The following NEBL variants were observed in gnomAD, a reference collection of about 807,000 sequenced individuals.
NEBL encodes LIM and SH3 protein 2.
In NEBL, 122 loss-of-function variants were observed where a neutral mutation model predicts 140.2. The ratio of observed to expected loss-of-function variants is 0.87; its 90% confidence interval spans 0.75 to 1.01. The LOEUF (loss-of-function observed/expected upper bound fraction) is 1.01. NEBL is among the 50% of genes least tolerant of loss of function. NEBL has a pLI of 0.00. For synonymous variants in NEBL, 436 were observed against 398.9 expected, an observed-to-expected ratio of 1.09 and a Z score of -1.11; for missense variants, 1,365 against 1,231.3, an observed-to-expected ratio of 1.11 and a Z score of -1.62.
At chr10:21,020,141 C>T (rs761453997) in exon 3 of NEBL, 2 of 1,614,118 alleles carry the variant, frequency 1.2e-6, no homozygotes, top group East Asian at 4.5e-5. Flanking sequence ...CACTTTGCTG[C>T]TTCAGGCGAA....
At chr10:20,803,548 G>T (rs553886329) in intron 26 of NEBL, among the ~76,000 whole-genome samples, 6 of 151,758 alleles carry the variant, frequency 4.0e-5, no homozygotes, top group Admixed American at 3.3e-4. Context: ...GAAAAATAGC[G>T]TTTCTAAATA....
chr10:21,120,291 C>T (rs1472647156), intron 2 of NEBL, among the ~76,000 whole-genome samples: 1 of 149,112 alleles, frequency 6.7e-6, no homozygotes, highest in African/African-American at 2.5e-5. Flanking sequence ...AGAAGGATTA[C>T]CTAAGCCTAG....
intron 3 of NEBL, among the ~76,000 whole-genome samples, chr10:20,989,298 T>A (rs1210592800): frequency 2.0e-5 from 3 of 152,164 alleles, no homozygotes; most frequent in Non-Finnish European, 4.4e-5. Context: ...GGAGGTTTTT[T>A]GTTTTTGTTT....
chr10:21,105,830 A>G (rs1837691668), intron 2 of NEBL, among the ~76,000 whole-genome samples: 1 of 152,180 alleles, frequency 6.6e-6, no homozygotes, highest in Non-Finnish European at 1.5e-5. Context: ...CTATTTCTCT[A>G]CATCCTCTCC....
At chr10:21,070,223 C>T (rs1418124708) in intron 2 of NEBL, among the ~76,000 whole-genome samples, 2 of 152,038 alleles carry the variant, frequency 1.3e-5, no homozygotes, top group South Asian at 2.1e-4. Context: ...GCCCTTGAGT[C>T]GTCAGGACCT....
intron 2 of NEBL, among the ~76,000 whole-genome samples, chr10:21,020,739 C>CG (rs1564482609): frequency 6.6e-6 from 1 of 152,122 alleles, no homozygotes; most frequent in Admixed American, 6.5e-5. Context: ...GTCGTCTCCC[C>CG]GGGTTTACAC....
At chr10:20,862,993 C>T (rs1034599216) in intron 7 of NEBL, among the ~76,000 whole-genome samples, 1 of 151,848 alleles carries the variant, frequency 6.6e-6, no homozygotes, top group African/African-American at 2.4e-5. Context: ...GGAAATAACA[C>T]CTTTTGAAAA....
chr10:21,019,211 C>T (rs1838682397), intron 3 of NEBL, among the ~76,000 whole-genome samples: 1 of 152,228 alleles, frequency 6.6e-6, no homozygotes, highest in African/African-American at 2.4e-5. Context: ...TTTTGAAATG[C>T]TTTCACACCT....
intron 2 of NEBL, chr10:21,172,375 A>G: frequency 6.2e-7 from 1 of 1,606,100 alleles, no homozygotes; most frequent in Middle Eastern, 1.7e-4. Context: ...CGTGTTGACA[A>G]TACTTACGCA....
At chr10:20,959,154 G>A (rs1835938658) in intron 4 of NEBL, among the ~76,000 whole-genome samples, 1 of 152,014 alleles carries the variant, frequency 6.6e-6, no homozygotes, top group Non-Finnish European at 1.5e-5. Flanking sequence ...ACAAATAGGA[G>A]AAAATGAAAC....
intron 3 of NEBL, among the ~76,000 whole-genome samples, chr10:21,211,830 T>C (rs1031326186): frequency 3.3e-5 from 5 of 152,190 alleles, no homozygotes; most frequent in Admixed American, 2.0e-4. Flanking sequence ...GGATCTGTCG[T>C]CATGGCTTCA....
chr10:21,218,564 A>C (rs977212172), intron 3 of NEBL, among the ~76,000 whole-genome samples: 1 of 152,252 alleles, frequency 6.6e-6, no homozygotes, highest in Non-Finnish European at 1.5e-5. Context: ...AAGAGGAAAA[A>C]ATGCAGGAGT....
chr10:20,858,328 T>C lies in NEBL; in HGVS notation c.815A>G (p.Asp272Gly), dbSNP rs778861859. 7.6e-5 allele frequency: 121 copies of C among 1,602,320 alleles called. No homozygotes were observed. The highest frequency in any genetic ancestry group is 1.0e-4 in the Non-Finnish European group (120 of 1,169,346). ...AACTGGATCATGCATATTTTGAATGTCTTTCTTGTACTTCACCTATGAAAA... is the reference window on the plus strand; with the variant it reads ...AACTGGATCATGCATATTTTGAATGCCTTTCTTGTACTTCACCTATGAAAA... ...TLASNVKYKK[D>G]IQNMHDPVSD... The change falls in exon 9 of 28, where the codon GAC becomes GGC. Residue 272 changes from aspartate (D) to glycine (G), a missense_variant. Coordinates refer to ENST00000377122, the MANE Select transcript of NEBL (RefSeq NM_006393.3).
intron 3 of NEBL, among the ~76,000 whole-genome samples, chr10:21,241,835 TC>T (rs1447103530): frequency 7.9e-5 from 12 of 152,334 alleles, no homozygotes; most frequent in Non-Finnish European, 1.3e-4. Flanking sequence ...GTCATCAAGT[TC>T]TTTATAGACC....
chr10:21,157,013 C>T (rs139450033), intron 2 of NEBL, among the ~76,000 whole-genome samples: 268 of 152,242 alleles, frequency 1.8e-3, no homozygotes, highest in African/African-American at 5.8e-3. Flanking sequence ...CAAGCAAGAA[C>T]AATCTATCAG....
At chr10:21,147,230 C>T (rs531013806) in intron 2 of NEBL, among the ~76,000 whole-genome samples, 1 of 152,218 alleles carries the variant, frequency 6.6e-6, no homozygotes, top group South Asian at 2.1e-4. Flanking sequence ...AGCCTGGGAC[C>T]TCCTCCTGCC....
chr10:21,017,821 CTTT>C (rs149030323), intron 3 of NEBL, among the ~76,000 whole-genome samples: 5 of 140,320 alleles, frequency 3.6e-5, no homozygotes, highest in Non-Finnish European at 4.7e-5. Context: ...TGATTCTTCT[CTTT>C]TTTTTTTTTT....
At chr10:20,989,221 T>C (rs1300180992) in intron 3 of NEBL, among the ~76,000 whole-genome samples, 2 of 152,206 alleles carry the variant, frequency 1.3e-5, no homozygotes, top group East Asian at 3.9e-4. Flanking sequence ...GCAGCCAAAA[T>C]CTTAAAATCA....
Position 20,831,513 on chromosome 10 carries a change from T to C in NEBL, c.1520A>G (p.Asp507Gly). The change falls in exon 15 of 28, where the codon GAT becomes GGT. Residue 507 changes from aspartate (D) to glycine (G), a missense_variant. Around this residue, in one of 2 missense-constraint regions of NEBL, gnomAD observed 1,323 missense variants for 1,154.8 expected, o/e 1.15. Coordinates refer to ENST00000377122, the MANE Select transcript of NEBL (RefSeq NM_006393.3). ...GGATGCTTTCTTAGCTCTCTGGACATCAAGAGTGTCTGTGCTCACCTGCAT... is the reference window on the plus strand; with the variant it reads ...GGATGCTTTCTTAGCTCTCTGGACACCAAGAGTGTCTGTGCTCACCTGCAT... ...KGMQVSTDTL[D>G]VQRAKKASEM... 6.2e-7 allele frequency: 1 copy of C among 1,612,624 alleles called. No homozygotes were observed. The highest frequency in any genetic ancestry group is 8.5e-7 in the Non-Finnish European group (1 of 1,179,458).
Sources: gnomAD v4.1 joint callset for allele counts (sites outside exome capture counted in the v4.1 genomes callset) on GRCh38, gnomAD v4.1.1 for gene constraint, gnomAD v4.1.1 regional missense constraint, MANE v1.5 for transcripts, NCBI Gene and HGNC (gene_info 2026-07-23, HGNC 2026-07-21) for gene names.